GABRG3: variants seen among roughly 807,000 people sequenced by gnomAD.
The protein encoded by GABRG3 is gamma-aminobutyric acid receptor subunit gamma-3.
Under a neutral mutation model 48.8 loss-of-function variants are expected in GABRG3, and 25 were observed. That is an observed-to-expected ratio of 0.51 (90% CI 0.37 to 0.72). The LOEUF (loss-of-function observed/expected upper bound fraction) is 0.72, where lower values mean the gene tolerates loss of function less well. Ranked by LOEUF, GABRG3 falls within the 30% of genes least tolerant of loss-of-function variation. The pLI is 0.00. For missense variants in GABRG3, 394 were observed against 577.9 expected (o/e 0.68, Z 3.26); for synonymous variants, 227 against 217.6 (o/e 1.04, Z -0.38).
At chr15:27,453,867 G>T (rs1200484013) in intron 5 of GABRG3, among the ~76,000 whole-genome samples, 1 of 152,196 alleles carries the variant, frequency 6.6e-6, no homozygotes, top group Non-Finnish European at 1.5e-5. Flanking sequence ...CTCCCAAATT[G>T]CTGGTATCAC....
intron 3 of GABRG3, among the ~76,000 whole-genome samples, chr15:27,182,708 G>C (rs986709302): frequency 4.6e-5 from 7 of 152,134 alleles, no homozygotes; most frequent in South Asian, 2.1e-4. Context: ...ATTTGTGCTG[G>C]AGTCAAGTGC....
intron 2 of GABRG3, among the ~76,000 whole-genome samples, chr15:26,992,417 T>C (rs1895265607): frequency 6.6e-6 from 1 of 152,218 alleles, no homozygotes; most frequent in South Asian, 2.1e-4. Flanking sequence ...TACACCCAGT[T>C]TTTTGAGGGT....
intron 5 of GABRG3, among the ~76,000 whole-genome samples, chr15:27,438,485 A>T (rs1183866911): frequency 6.6e-6 from 1 of 152,202 alleles, no homozygotes; most frequent in African/African-American, 2.4e-5. Context: ...TGAACTTGGG[A>T]AAACTACGAA....
At chr15:27,268,620 A>G (rs191372538) in intron 3 of GABRG3, among the ~76,000 whole-genome samples, 335 of 152,098 alleles carry the variant, frequency 2.2e-3, no homozygotes, top group Non-Finnish European at 3.5e-3. Context: ...AGCTGAGGTG[A>G]TTGATTTAAG....
intron 3 of GABRG3, among the ~76,000 whole-genome samples, chr15:27,278,585 C>G (rs543734170): frequency 1.3e-5 from 2 of 152,276 alleles, no homozygotes; most frequent in South Asian, 4.1e-4. Flanking sequence ...CCTCACTCAG[C>G]ATAATTCCCT....
intron 3 of GABRG3, among the ~76,000 whole-genome samples, chr15:27,112,709 G>C (rs940164072): frequency 2.0e-5 from 3 of 152,052 alleles, no homozygotes; most frequent in Non-Finnish European, 4.4e-5. Flanking sequence ...CAAAGTGCTG[G>C]AATTACAGGT....
chr15:27,286,465 A>G (rs1891615594), intron 3 of GABRG3, among the ~76,000 whole-genome samples: 1 of 152,230 alleles, frequency 6.6e-6, no homozygotes. Flanking sequence ...GACTTGGGAT[A>G]GGGATACAGA....
intron 2 of GABRG3, among the ~76,000 whole-genome samples, chr15:26,978,270 T>C (rs1454526597): frequency 6.6e-6 from 1 of 152,112 alleles, no homozygotes; most frequent in African/African-American, 2.4e-5. Context: ...ATGTCAAATA[T>C]GTAGTTTGCT....
chr15:27,008,986 C>CG (rs1374108693), intron 2 of GABRG3, among the ~76,000 whole-genome samples: 2 of 152,044 alleles, frequency 1.3e-5, no homozygotes, highest in African/African-American at 2.4e-5. Context: ...AGGGGTGGGA[C>CG]GGGGCGAGGA....
chr15:27,248,803 C>CACACACAG (rs1377080195), intron 3 of GABRG3, among the ~76,000 whole-genome samples: 43 of 110,238 alleles, frequency 3.9e-4, no homozygotes, highest in African/African-American at 1.4e-3. Flanking sequence ...CACACACACA[C>CACACACAG]AGAGAGAGAG....
Position 27,536,805 on chromosome 15 carries a change from A to G in GABRG3, c.*3924A>G, listed in dbSNP as rs1891556333. On this transcript the variant is annotated 3_prime_UTR_variant, in exon 10 of 10. Transcript: ENST00000615808. Reference sequence around the variant, plus strand: ...GCAACAGGAGAGGGGCCGGTAACCCATTCTGCATTGACTCCAGCTCCCTAT... The same window carrying G: ...GCAACAGGAGAGGGGCCGGTAACCCGTTCTGCATTGACTCCAGCTCCCTAT... The G allele has an allele frequency of 1.3e-5, 2 of 152,180 alleles. No individual in the cohort carries two copies. The highest frequency in any genetic ancestry group is 1.3e-4 in the Admixed American group (2 of 15,276). 9.4% of individuals were successfully genotyped at this position (152,180 alleles called of 1,614,324 possible).
At chr15:27,255,886 G>GTGTTTT (rs1314968447) in intron 3 of GABRG3, among the ~76,000 whole-genome samples, 6 of 151,646 alleles carry the variant, frequency 4.0e-5, no homozygotes, top group African/African-American at 1.5e-4. Context: ...GGAAGAGCAT[G>GTGTTTT]TGTTTAGTGA....
At chr15:27,167,343 T>C (rs1887410612) in intron 3 of GABRG3, among the ~76,000 whole-genome samples, 2 of 152,200 alleles carry the variant, frequency 1.3e-5, no homozygotes, top group African/African-American at 4.8e-5. Flanking sequence ...ACTTATCTGC[T>C]GTAGCTCCCG....
intron 2 of GABRG3, among the ~76,000 whole-genome samples, chr15:26,988,320 CA>C (rs200364741): frequency 0.015 from 2,294 of 152,178 alleles, 22 homozygotes; most frequent in Non-Finnish European, 0.021. Context: ...GCATTATTAC[CA>C]GGGGTAAATG....
intron 6 of GABRG3, among the ~76,000 whole-genome samples, chr15:27,499,604 A>T (rs896883471): frequency 6.6e-6 from 1 of 152,264 alleles, no homozygotes; most frequent in African/African-American, 2.4e-5. Context: ...AAGCATGAGC[A>T]TCAATTAAGC....
chr15:27,353,548 A>G (rs1177513905), intron 5 of GABRG3, among the ~76,000 whole-genome samples: 2 of 151,848 alleles, frequency 1.3e-5, no homozygotes, highest in African/African-American at 4.8e-5. Flanking sequence ...GGTTCAAGCA[A>G]TTCTCCTACC....
rs527477111 is a variant in GABRG3, at chr15:27,100,195, G to A, written c.270+73374G>A. On this transcript the variant is annotated intron_variant, in intron 3 of 9. Coordinates refer to ENST00000615808, the MANE Select transcript of GABRG3 (RefSeq NM_033223.5). ...ATCGTGCCACTGCACTCCAGCCTGG[G>A]TGACAGAGCAAGACCCTGTCTCAAA... is the stretch of plus-strand genomic sequence containing the variant. Among the ~76,000 whole-genome samples, 635 of 146,208 alleles carry A rather than the reference G, an allele frequency of 4.3e-3. 1 individual carries two copies. The highest frequency in any genetic ancestry group is 0.014 in the Middle Eastern group (4 of 288).
chr15:27,121,383 A>G (rs1897728708), intron 3 of GABRG3, among the ~76,000 whole-genome samples: 2 of 152,340 alleles, frequency 1.3e-5, no homozygotes, highest in South Asian at 4.1e-4. Context: ...TGAGAGCCTT[A>G]AAGAGGGGCT....
chr15:27,275,826 G>T (rs1891232767), intron 3 of GABRG3, among the ~76,000 whole-genome samples: 1 of 152,208 alleles, frequency 6.6e-6, no homozygotes, highest in African/African-American at 2.4e-5. Flanking sequence ...TGTGACTGCA[G>T]GTCCGATGGG....
Sources: gnomAD v4.1 joint callset for allele counts (sites outside exome capture counted in the v4.1 genomes callset) on GRCh38, gnomAD v4.1.1 for gene constraint, MANE v1.5 for transcripts, NCBI Gene and HGNC (gene_info 2026-07-23, HGNC 2026-07-21) for gene names.